CDKL3: variants seen among roughly 807,000 people sequenced by gnomAD.
CDKL3 encodes cyclin-dependent kinase-like 3.
A neutral mutation model predicts 69.3 loss-of-function variants in CDKL3; 65 were observed. The ratio of observed to expected loss-of-function variants is 0.94; its 90% confidence interval spans 0.77 to 1.15. CDKL3 has a LOEUF of 1.15. CDKL3 is among the 50% of genes most tolerant of loss of function. CDKL3 has a pLI of 0.00. For missense variants in CDKL3, 652 were observed against 689.2 expected (o/e 0.95, Z 0.61); for synonymous variants, 202 against 221.6 (o/e 0.91, Z 0.79).
intron 12 of CDKL3, among the ~76,000 whole-genome samples, chr5:134,300,835 A>C (rs1404470765): frequency 2.0e-5 from 3 of 152,168 alleles, no homozygotes; most frequent in African/African-American, 4.8e-5. Context: ...CATGAGGCAC[A>C]TTAATAGTCT....
chr5:134,308,843 C>T lies in CDKL3; in HGVS notation c.882-116G>A, dbSNP rs145116151. 385 of 917,442 alleles carry T rather than the reference C, an allele frequency of 4.2e-4. No individual in the cohort carries two copies. The African/African-American group carries it at 5.8e-3, about 14-fold the overall frequency. The allele number at this position is 917,442 out of a possible 1,614,324, so 56.8% of individuals were successfully genotyped here. ...CATTTCAGCTACAGCATAAATAATGCTAACTATAATGCATGTCAAGAGATG... is the reference window on the plus strand; with the variant it reads ...CATTTCAGCTACAGCATAAATAATGTTAACTATAATGCATGTCAAGAGATG... On this transcript the variant is annotated intron_variant, in intron 7 of 12. Coordinates refer to ENST00000265334, the MANE Select transcript of CDKL3 (RefSeq NM_001113575.2).
chr5:134,349,277 T>C (rs2149594716), intron 4 of CDKL3, among the ~76,000 whole-genome samples: 3 of 152,332 alleles, frequency 2.0e-5, no homozygotes, highest in Middle Eastern at 6.8e-3. Context: ...CTCCTCCATG[T>C]ATTCTATTAA....
intron 3 of CDKL3, among the ~76,000 whole-genome samples, chr5:134,359,448 C>G (rs1475209458): frequency 6.6e-6 from 1 of 152,148 alleles, no homozygotes; most frequent in Admixed American, 6.5e-5. Context: ...AACCGCTCCG[C>G]CACTTTATAT....
intron 4 of CDKL3, among the ~76,000 whole-genome samples, chr5:134,348,626 T>C (rs185078452): frequency 2.6e-5 from 4 of 152,138 alleles, no homozygotes; most frequent in Admixed American, 1.3e-4. Context: ...AAATATTAAC[T>C]GACACAAAAT....
At chr5:134,365,483 G>A (rs546239225) in intron 2 of CDKL3, among the ~76,000 whole-genome samples, 135 of 151,562 alleles carry the variant, frequency 8.9e-4, no homozygotes, top group African/African-American at 2.6e-3. Flanking sequence ...CATTCACATT[G>A]CTGCATTTTA....
At chr5:134,367,817 TCCA>T (rs1757812339), upstream of CDKL3, among the ~76,000 whole-genome samples, 1 of 152,232 alleles carries the variant, frequency 6.6e-6, no homozygotes, top group Non-Finnish European at 1.5e-5. Flanking sequence ...TTCGAAGAGT[TCCA>T]CCATATACGA....
At chr5:134,289,060 G>T (rs1409619034) in intron 8 of CDKL3, among the ~76,000 whole-genome samples, 1 of 150,916 alleles carries the variant, frequency 6.6e-6, no homozygotes, top group Non-Finnish European at 1.5e-5. Flanking sequence ...TATTCAGGAG[G>T]CTGAGGCAAG....
chr5:134,308,230 G>A lies in CDKL3; in HGVS notation c.1272C>T (p.Cys424=), dbSNP rs372650742. 1.6e-5 allele frequency: 26 copies of A among 1,613,764 alleles called. No individual in the cohort carries two copies. The highest frequency in any genetic ancestry group is 2.0e-5 in the Non-Finnish European group (24 of 1,179,820). ...NCNGLKENPH[C]GGSVTMPPIN... ...TGGGTGGCATTGTCACAGAACCTCC[G>A]CAATGTGGATTTTCTTTCAAGCCAT... The change falls in exon 9 of 13, where the codon TGC becomes TGT. Residue 424 remains cysteine (C), a synonymous_variant. Coordinates refer to ENST00000265334, the MANE Select transcript of CDKL3 (RefSeq NM_001113575.2).
At chr5:134,345,448 C>A (rs766159124) in intron 4 of CDKL3, among the ~76,000 whole-genome samples, 2 of 152,160 alleles carry the variant, frequency 1.3e-5, no homozygotes, top group Non-Finnish European at 2.9e-5. Flanking sequence ...GGGAAGCCAC[C>A]TTGAAAAGGC....
chr5:134,345,057 T>C (rs547605186), intron 4 of CDKL3, among the ~76,000 whole-genome samples: 1 of 151,826 alleles, frequency 6.6e-6, no homozygotes, highest in South Asian at 2.1e-4. Context: ...AGAGAGAGAC[T>C]CTGTCTCAAA....
intron 4 of CDKL3, among the ~76,000 whole-genome samples, chr5:134,334,775 A>G (rs1026185229): frequency 1.3e-5 from 2 of 152,182 alleles, no homozygotes; most frequent in African/African-American, 4.8e-5. Flanking sequence ...GGTGCTGAGA[A>G]GAATGTATAT....
intron 12 of CDKL3, chr5:134,302,276 C>T: frequency 2.2e-6 from 1 of 462,622 alleles, no homozygotes; most frequent in East Asian, 6.7e-5. Context: ...GGCCATATAA[C>T]CATATATTTA....
chr5:134,359,984 T>A lies in CDKL3; in HGVS notation c.273A>T (p.Gln91His). 17 of 1,573,354 alleles carry A rather than the reference T, an allele frequency of 1.1e-5. No individual in the cohort carries two copies. Among genetic ancestry groups the A allele is most frequent in the Non-Finnish European group, 1.5e-5 (17 of 1,157,136 alleles). ...FIDHTVLDEL[Q>H]HYCHGLESKR... The stretch of plus-strand genomic sequence containing the variant: ...TACTCTCTAGTCCATGACAATAATG[T>A]TGTAACTCATCTAATACTGTGTGGT... Residue 91 changes from glutamine (Q) to histidine (H), a missense_variant, in exon 3 of 13, where the codon CAA becomes CAT. Physicochemically the swap from Gln to His is conservative, Grantham distance 24 (BLOSUM62 0). Transcript: ENST00000265334.
intron 3 of CDKL3, among the ~76,000 whole-genome samples, chr5:134,357,352 G>A (rs973991903): frequency 2.6e-5 from 4 of 152,052 alleles, no homozygotes; most frequent in Admixed American, 6.6e-5. Flanking sequence ...GCTGAGGCAG[G>A]AGAATCACTT....
chr5:134,293,879 A>G (rs888229496), downstream of CDKL3, among the ~76,000 whole-genome samples: 2 of 151,590 alleles, frequency 1.3e-5, no homozygotes, highest in Non-Finnish European at 2.9e-5. Context: ...AGGCTTAAGC[A>G]GAAGGACAGC....
At chr5:134,371,150 T>G, upstream of CDKL3, 1 of 266,474 alleles carries the variant, frequency 3.8e-6, no homozygotes, top group South Asian at 3.6e-5. Flanking sequence ...TCATCCCACC[T>G]CCTTTCCCTG....
At chr5:134,326,505 G>A (rs1774230099) in intron 4 of CDKL3, among the ~76,000 whole-genome samples, 1 of 151,982 alleles carries the variant, frequency 6.6e-6, no homozygotes, top group Non-Finnish European at 1.5e-5. Context: ...ATCAGGAAAA[G>A]TAGATCCAAA....
At chr5:134,360,673 T>G (rs1343711723) in intron 2 of CDKL3, among the ~76,000 whole-genome samples, 2 of 152,192 alleles carry the variant, frequency 1.3e-5, no homozygotes, top group East Asian at 3.8e-4. Context: ...GTACTATAAC[T>G]TAGTATTCTG....
At chr5:134,314,797 C>A (rs567581975) in intron 6 of CDKL3, among the ~76,000 whole-genome samples, 1 of 151,860 alleles carries the variant, frequency 6.6e-6, no homozygotes, top group African/African-American at 2.4e-5. Context: ...TATCTGGGGA[C>A]AGAAATGGAA....
Sources: allele counts gnomAD v4.1 joint callset (sites outside exome capture counted in the v4.1 genomes callset), GRCh38; gene constraint gnomAD v4.1.1; transcripts MANE v1.5; gene names NCBI Gene and HGNC (gene_info 2026-07-23, HGNC 2026-07-21).